The following TSPAN14 variants were observed in gnomAD, a reference collection of about 807,000 sequenced individuals.
The protein encoded by TSPAN14 is tetraspanin 14.
In TSPAN14, 16 loss-of-function variants were observed where a neutral mutation model predicts 36.6. That is an observed-to-expected ratio of 0.44 (90% CI 0.30 to 0.66). The LOEUF is 0.66. Among genes scored for constraint, TSPAN14 ranks in the 30% least tolerant of loss-of-function variants. The pLI, the probability that TSPAN14 is intolerant of heterozygous loss-of-function variation, is 0.12. For synonymous variants in TSPAN14, 139 were observed against 143.8 expected, an observed-to-expected ratio of 0.97 and a Z score of 0.24; for missense variants, 231 against 355.1, an observed-to-expected ratio of 0.65 and a Z score of 2.81.
chr10:80,454,882 T>C (rs999532185), intron 1 of TSPAN14, among the ~76,000 whole-genome samples: 3 of 151,968 alleles, frequency 2.0e-5, no homozygotes, highest in African/African-American at 7.2e-5. Flanking sequence ...GGCCGCCCCT[T>C]CCTCCTGCCC....
At chr10:80,460,808 C>G (rs1200742382) in intron 1 of TSPAN14, among the ~76,000 whole-genome samples, 2 of 152,156 alleles carry the variant, frequency 1.3e-5, no homozygotes, top group East Asian at 1.9e-4. Flanking sequence ...TTTTTCTGCC[C>G]CCTGAAGCTG....
chr10:80,477,592 G>A (rs12269629), intron 1 of TSPAN14, among the ~76,000 whole-genome samples: 30,811 of 152,110 alleles, frequency 0.2, 3,211 homozygotes, highest in South Asian at 0.3. Context: ...TTTTTGTGGG[G>A]GGAGGGGAAC....
chr10:80,479,062 A>G (rs557164365), intron 1 of TSPAN14, among the ~76,000 whole-genome samples: 3 of 151,844 alleles, frequency 2.0e-5, no homozygotes, highest in Admixed American at 1.3e-4. Flanking sequence ...GCATTTTTCC[A>G]TGTGTTTTTT....
At chr10:80,520,992 T>A in exon 9 of TSPAN14, 1 of 389,938 alleles carries the variant, frequency 2.6e-6, no homozygotes, top group Non-Finnish European at 5.1e-6. Flanking sequence ...TGGGCTGGGC[T>A]GAAAAACCAT....
rs376237995 is a variant in TSPAN14, at chr10:80,488,172, C to T, written c.-17-1045C>T. Among the ~76,000 whole-genome samples the T allele has an allele frequency of 1.7e-3, 265 of 151,960 alleles. 1 individual carries two copies. The highest frequency in any genetic ancestry group is 6.1e-3 in the African/African-American group (254 of 41,464). On this transcript the variant is annotated intron_variant, in intron 1 of 8. Coordinates refer to ENST00000429989, the Ensembl canonical transcript of TSPAN14. ...GGGCTGGCATGGGACCACTGCCCTA[C>T]GGGCCTCTGATCCTGTCCCTACCTG...
intron 2 of TSPAN14, among the ~76,000 whole-genome samples, chr10:80,499,260 G>A (rs2132031607): frequency 6.6e-6 from 1 of 152,324 alleles, no homozygotes; most frequent in Middle Eastern, 3.4e-3. Flanking sequence ...GCTTGCTCGT[G>A]TGGTAAGTGG....
At chr10:80,486,349 C>A (rs183524532) in intron 1 of TSPAN14, among the ~76,000 whole-genome samples, 5 of 152,302 alleles carry the variant, frequency 3.3e-5, no homozygotes, top group African/African-American at 1.2e-4. Flanking sequence ...AGACCAGGGA[C>A]CGTCAGGTTG....
At chr10:80,513,763 A>T (rs1840779857) in intron 6 of TSPAN14, among the ~76,000 whole-genome samples, 1 of 152,212 alleles carries the variant, frequency 6.6e-6, no homozygotes, top group South Asian at 2.1e-4. Context: ...TTGTTTACAG[A>T]TTGTCAGTGC....
intron 1 of TSPAN14, among the ~76,000 whole-genome samples, chr10:80,487,783 C>T (rs1268684731): frequency 6.6e-6 from 1 of 152,086 alleles, no homozygotes; most frequent in Non-Finnish European, 1.5e-5. Flanking sequence ...AGCCGTCTGC[C>T]TGTCATTCTC....
At chr10:80,479,395 A>G (rs1847116552) in intron 1 of TSPAN14, among the ~76,000 whole-genome samples, 1 of 152,020 alleles carries the variant, frequency 6.6e-6, no homozygotes, top group Non-Finnish European at 1.5e-5. Context: ...GGTAATGCCT[A>G]GGTTTTCTTC....
intron 1 of TSPAN14, among the ~76,000 whole-genome samples, chr10:80,482,814 C>T (rs1564723896): frequency 6.8e-6 from 1 of 147,580 alleles, no homozygotes; most frequent in Admixed American, 6.8e-5. Flanking sequence ...CGGCTCACTG[C>T]AACCCCCGCC....
intron 1 of TSPAN14, among the ~76,000 whole-genome samples, chr10:80,476,018 C>T (rs1846860424): frequency 6.6e-6 from 1 of 152,182 alleles, no homozygotes; most frequent in African/African-American, 2.4e-5. Flanking sequence ...TGCATATAAC[C>T]TTCACACATT....
exon 9 of TSPAN14, chr10:80,521,301 A>T (rs1000775253): frequency 6.2e-6 from 1 of 161,948 alleles, no homozygotes; most frequent in Non-Finnish European, 1.4e-5. Context: ...CCAGCACCTG[A>T]GGCATCCTGC....
intron 5 of TSPAN14, 104 bp from the exon 6 acceptor site, chr10:80,512,040 G>C: frequency 2.6e-6 from 4 of 1,551,732 alleles, no homozygotes; most frequent in African/African-American, 1.4e-5. Context: ...CTGCATGGTA[G>C]ATGCCGGCAG....
At chr10:80,488,151 T>A (rs1349114186) in intron 1 of TSPAN14, among the ~76,000 whole-genome samples, 1 of 152,062 alleles carries the variant, frequency 6.6e-6, no homozygotes, top group African/African-American at 2.4e-5. Context: ...AGCAGGGGGC[T>A]GGCATGGGAC....
intron 1 of TSPAN14, among the ~76,000 whole-genome samples, chr10:80,481,347 T>C (rs1847264049): frequency 6.6e-6 from 1 of 152,138 alleles, no homozygotes; most frequent in South Asian, 2.1e-4. Context: ...AAACTCAGGG[T>C]AGATTTAGAC....
chr10:80,512,049 A>G, intron 5 of TSPAN14, 95 bp from the exon 6 acceptor site: 1 of 1,565,424 alleles, frequency 6.4e-7, no homozygotes, highest in Admixed American at 1.8e-5. Flanking sequence ...AGATGCCGGC[A>G]GACTTAGCCT....
chr10:80,516,009 C>A, intron 7 of TSPAN14, 195 bp from the exon 8 acceptor site: 1 of 718,252 alleles, frequency 1.4e-6, no homozygotes, highest in Non-Finnish European at 2.2e-6. Flanking sequence ...ACAGGTGGTG[C>A]GATGGCACAG....
intron 1 of TSPAN14, among the ~76,000 whole-genome samples, chr10:80,457,110 A>G (rs958635055): frequency 6.6e-6 from 1 of 152,156 alleles, no homozygotes; most frequent in Non-Finnish European, 1.5e-5. Flanking sequence ...CAACAGCTCC[A>G]TTTTACAGAT....
Sources: gnomAD v4.1 joint callset for allele counts (sites outside exome capture counted in the v4.1 genomes callset) on GRCh38, gnomAD v4.1.1 for gene constraint, MANE v1.5 for transcripts, NCBI Gene and HGNC (gene_info 2026-07-23, HGNC 2026-07-21) for gene names.